HERC4: variants seen among roughly 807,000 people sequenced by gnomAD.
The protein encoded by HERC4 is HECT and RLD domain containing E3 ubiquitin protein ligase 4, also known as probable E3 ubiquitin-protein ligase HERC4.
In HERC4, 28 loss-of-function variants were observed where a neutral mutation model predicts 124.3. The observed-to-expected ratio is 0.23, with a 90% CI of 0.17 to 0.31. HERC4 has a LOEUF of 0.31. Among genes scored for constraint, HERC4 ranks in the 10% least tolerant of loss-of-function variants. The pLI is 1.00. For missense variants in HERC4, 713 were observed against 1,229.3 expected (o/e 0.58, Z 6.28); for synonymous variants, 407 against 421.5 (o/e 0.97, Z 0.42).
In HERC4 at chr10:68,014,045, C is replaced by A; in HGVS notation, c.1050G>T (p.Gly350=). 1 of 1,609,576 alleles carries A rather than the reference C, an allele frequency of 6.2e-7. No homozygotes were observed. Among genetic ancestry groups the A allele is most frequent in the East Asian group, 2.2e-5 (1 of 44,820 alleles). ...TVKGNWYPYN[G]QCLPDIDSEE... ...ACTTACCAATATCTGGTAGACACTG[C>A]CCATTATAGGGGTACCAATTTCCTT... The change falls in exon 9 of 25, where the codon GGG becomes GGT. Residue 350 remains glycine, a synonymous_variant. Transcript: ENST00000373700.
intron 8 of HERC4, among the ~76,000 whole-genome samples, chr10:68,022,610 A>G (rs1220033415): frequency 6.6e-6 from 1 of 152,078 alleles, no homozygotes; most frequent in African/African-American, 2.4e-5. Context: ...CAAACAGGGA[A>G]ATGCTTCATG....
chr10:68,059,494 CATTATATATTATAAT>C (rs1451090554), intron 3 of HERC4, among the ~76,000 whole-genome samples: 36 of 69,156 alleles, frequency 5.2e-4, no homozygotes, highest in African/African-American at 1.0e-3. Flanking sequence ...TATATTATAA[CATTATATATTATAAT>C]ATTATATATC....
intron 4 of HERC4, chr10:68,039,662 T>C: frequency 7.4e-7 from 1 of 1,360,004 alleles, no homozygotes. Context: ...CACCTTCAAA[T>C]TTTCAAACTC....
At chr10:68,009,227 T>TAA (rs530909163) in intron 9 of HERC4, among the ~76,000 whole-genome samples, 10 of 144,358 alleles carry the variant, frequency 6.9e-5, no homozygotes, top group South Asian at 2.2e-4. Context: ...TCTGTCTCAT[T>TAA]AAAAAAAAAA....
At chr10:68,060,593 T>C (rs896093811) in intron 3 of HERC4, among the ~76,000 whole-genome samples, 5 of 152,154 alleles carry the variant, frequency 3.3e-5, no homozygotes, top group South Asian at 2.1e-4. Context: ...ATTATATGGT[T>C]TATGTGTTTC....
chr10:68,057,566 G>A (rs1371332637), intron 3 of HERC4, among the ~76,000 whole-genome samples: 3 of 150,982 alleles, frequency 2.0e-5, no homozygotes, highest in Non-Finnish European at 1.5e-5. Context: ...AGAGGTCAAA[G>A]TGAGCCGAGA....
chr10:67,973,890 T>C (rs929115663), intron 15 of HERC4, among the ~76,000 whole-genome samples: 78 of 151,320 alleles, frequency 5.2e-4, no homozygotes, highest in African/African-American at 1.8e-3. Flanking sequence ...CTACTAAAAA[T>C]AGAAAAATTA....
At chr10:67,930,084 G>A (rs1036332002) in intron 23 of HERC4, among the ~76,000 whole-genome samples, 7 of 151,968 alleles carry the variant, frequency 4.6e-5, no homozygotes, top group African/African-American at 1.7e-4. Context: ...GGGATTACAG[G>A]CGTGAGCCAC....
intron 15 of HERC4, among the ~76,000 whole-genome samples, chr10:67,979,033 G>C (rs761405605): frequency 1.5e-4 from 23 of 152,122 alleles, no homozygotes; most frequent in African/African-American, 2.4e-5. Context: ...AAACCGCGAA[G>C]ACTACAATAA....
chr10:67,977,016 C>A (rs187760327), intron 15 of HERC4, among the ~76,000 whole-genome samples: 13 of 152,320 alleles, frequency 8.5e-5, no homozygotes, highest in Admixed American at 5.9e-4. Flanking sequence ...AAGTGCAGAA[C>A]TGGGCCCAGA....
chr10:68,008,760 A>G (rs1270167953), intron 9 of HERC4, among the ~76,000 whole-genome samples: 1 of 152,210 alleles, frequency 6.6e-6, no homozygotes, highest in Admixed American at 6.5e-5. Flanking sequence ...CAATAGCCAA[A>G]AGGTAGAAAC....
intron 7 of HERC4, among the ~76,000 whole-genome samples, chr10:68,028,311 T>C (rs2039009187): frequency 6.6e-6 from 1 of 152,102 alleles, no homozygotes; most frequent in South Asian, 2.1e-4. Flanking sequence ...GTTTTGCTTA[T>C]ATTGATTTGC....
At chr10:67,946,541 C>T (rs538473598) in intron 19 of HERC4, among the ~76,000 whole-genome samples, 3 of 151,810 alleles carry the variant, frequency 2.0e-5, no homozygotes, top group Admixed American at 6.6e-5. Flanking sequence ...AGATGCAAGA[C>T]AAAAACTATA....
chr10:67,999,918 C>T (rs968070288), intron 9 of HERC4, among the ~76,000 whole-genome samples: 13 of 152,018 alleles, frequency 8.6e-5, no homozygotes, highest in Admixed American at 8.5e-4. Context: ...AGAATATGTC[C>T]CCTTTCCTAC....
At chr10:68,036,946 G>A (rs1321956991) in intron 5 of HERC4, among the ~76,000 whole-genome samples, 3 of 151,876 alleles carry the variant, frequency 2.0e-5, no homozygotes, top group East Asian at 1.9e-4. Context: ...TTGGATGTCT[G>A]TCTCTTTCAC....
At chr10:67,928,164 A>C (rs1189096808) in intron 23 of HERC4, among the ~76,000 whole-genome samples, 1 of 152,160 alleles carries the variant, frequency 6.6e-6, no homozygotes, top group African/African-American at 2.4e-5. Flanking sequence ...GCAGAGGTTA[A>C]TAAGGCTGAG....
chr10:68,069,037 T>C, intron 3 of HERC4: 1 of 984,792 alleles, frequency 1.0e-6, no homozygotes. Context: ...ATTTACAAAT[T>C]ATGGTCACAG....
At chr10:67,946,340 AAAACAC>A (rs1336276240) in intron 19 of HERC4, among the ~76,000 whole-genome samples, 10 of 126,518 alleles carry the variant, frequency 7.9e-5, no homozygotes, top group Admixed American at 2.6e-4. Flanking sequence ...GTAAATGGAT[AAAACAC>A]AAACACACAC....
chr10:68,038,030 G>T, intron 5 of HERC4, 63 bp downstream of exon 5: 1 of 890,930 alleles, frequency 1.1e-6, no homozygotes. Context: ...AGAACTATAT[G>T]CACAATCAAA....
Sources: allele counts gnomAD v4.1 joint callset (sites outside exome capture counted in the v4.1 genomes callset), GRCh38; gene constraint gnomAD v4.1.1; transcripts MANE v1.5; gene names NCBI Gene and HGNC (gene_info 2026-07-23, HGNC 2026-07-21).